Variants in B4GALT6 observed in about 807,000 individuals in gnomAD.
The protein encoded by B4GALT6 is UDP-Gal:beta-GlcNAc beta-1,4-galactosyltransferase 6.
In B4GALT6, 14 loss-of-function variants were observed where a neutral mutation model predicts 46.3. The observed-to-expected ratio is 0.30, with a 90% CI of 0.20 to 0.47. The LOEUF is 0.47. Among genes scored for constraint, B4GALT6 ranks in the 20% least tolerant of loss-of-function variants. B4GALT6 has a pLI of 0.99. For synonymous variants in B4GALT6, 168 were observed against 162.0 expected (o/e 1.04, Z -0.28); for missense variants, 386 against 480.1 (o/e 0.80, Z 1.83).
chr18:31,656,164 CTTTT>C (rs1317973237), intron 3 of B4GALT6, among the ~76,000 whole-genome samples: 2 of 152,060 alleles, frequency 1.3e-5, no homozygotes, highest in African/African-American at 4.8e-5. Context: ...GTCAATCTTT[CTTTT>C]TATTATTGAT....
At chr18:31,685,840 A>G (rs2029896545), upstream of B4GALT6, 1 of 152,204 alleles carries the variant, frequency 6.6e-6, no homozygotes, top group Non-Finnish European at 1.5e-5. Flanking sequence ...CCCCCCTCCT[A>G]TCCCGCACTT....
chr18:31,631,039 T>C lies in B4GALT6; in HGVS notation c.696A>G (p.Leu232=), dbSNP rs145579731. Residue 232 remains leucine, a synonymous_variant, in exon 6 of 9, where the codon CTA becomes CTG. Transcript: ENST00000306851. The stretch of plus-strand genomic sequence containing the variant: ...CGTAATAGTTCCGGTCATTTTCAGG[T>C]AGATGATCCACATCGTGGAAGATTA... ...DCVIFHDVDH[L]PENDRNYYGC... 6.2e-5 allele frequency: 100 copies of C among 1,614,164 alleles called. No individual in the cohort carries two copies. In the African/African-American group the frequency reaches 1.1e-3, roughly 18 times the overall value.
chr18:31,652,385 C>T (rs924405801), intron 3 of B4GALT6, among the ~76,000 whole-genome samples: 6 of 151,984 alleles, frequency 3.9e-5, no homozygotes, highest in African/African-American at 1.5e-4. Flanking sequence ...TGACAAGACA[C>T]AGCAGTCTTG....
At chr18:31,659,949 C>CTTTTTTTTTTTT (rs35690268) in intron 2 of B4GALT6, among the ~76,000 whole-genome samples, 1 of 122,718 alleles carries the variant, frequency 8.1e-6, no homozygotes. Context: ...GATTCTTTTC[C>CTTTTTTTTTTTT]TTTTTTTTTT....
chr18:31,626,550 C>A (rs2073700463), intron 7 of B4GALT6, among the ~76,000 whole-genome samples, 166 bp from the exon 8 acceptor site: 1 of 152,210 alleles, frequency 6.6e-6, no homozygotes, highest in South Asian at 2.1e-4. Context: ...GGCCGCACAG[C>A]AGGAGGTGAG....
chr18:31,658,059 T>C lies in B4GALT6; in HGVS notation c.263A>G (p.Tyr88Cys). The change falls in exon 3 of 9, where the codon TAT becomes TGT. Residue 88 changes from tyrosine to cysteine, a missense_variant. Physicochemically the swap from Tyr to Cys is radical, Grantham distance 194. Around this residue, in one of 2 missense-constraint regions of B4GALT6, gnomAD observed 323 missense variants for 438.9 expected, o/e 0.74. Coordinates refer to ENST00000306851, the MANE Select transcript of B4GALT6 (RefSeq NM_004775.5). ...GAGATACGTTGTTGTTTGAACAAGA[T>C]AATCACTTGAATTATTGCCTTCGGG... ...DYPEGNNSSD[Y>C]LVQTTTYLPE... The C allele has an allele frequency of 6.2e-7, 1 of 1,609,220 alleles. No individual in the cohort carries two copies. The highest frequency in any genetic ancestry group is 8.5e-7 in the Non-Finnish European group (1 of 1,179,112).
chr18:31,645,224 A>G (rs1490215116), intron 4 of B4GALT6, 131 bp downstream of exon 4: 9 of 1,271,476 alleles, frequency 7.1e-6, no homozygotes, highest in Non-Finnish European at 9.8e-6. Flanking sequence ...AGTAAACATT[A>G]AAGACAAAAC....
At chr18:31,679,907 G>A (rs763124337) in intron 1 of B4GALT6, among the ~76,000 whole-genome samples, 6 of 152,162 alleles carry the variant, frequency 3.9e-5, no homozygotes, top group Non-Finnish European at 2.9e-5. Flanking sequence ...CTGCCCTGAT[G>A]AACTACCAAC....
rs189640326 is a variant in B4GALT6 at position 31,663,427 on chromosome 18, G to A, written c.232+2829C>T. 2.2e-3 allele frequency among the ~76,000 whole-genome samples: 336 copies of A among 152,208 alleles called. 1 individual carries two copies. The highest frequency in any genetic ancestry group is 2.3e-3 in the Non-Finnish European group (159 of 67,996). On this transcript the variant is annotated intron_variant, in intron 2 of 8. Coordinates refer to ENST00000306851, the MANE Select transcript of B4GALT6 (RefSeq NM_004775.5). ...GTAATTAGATGAATTCACTGAATAC[G>A]TCTTGTTTTCATAATTTGGCTCTGT...
chr18:31,636,217 T>C (rs1168555230), intron 5 of B4GALT6, among the ~76,000 whole-genome samples: 1 of 152,152 alleles, frequency 6.6e-6, no homozygotes, highest in East Asian at 1.9e-4. Flanking sequence ...GAGAAAATCA[T>C]ACAGAACAAT....
chr18:31,669,532 T>C (rs1346096133), intron 1 of B4GALT6, among the ~76,000 whole-genome samples: 4 of 152,228 alleles, frequency 2.6e-5, no homozygotes, highest in Admixed American at 2.6e-4. Context: ...TTCTAATTTC[T>C]TAATCCATAT....
chr18:31,653,435 C>CTTTTTTTTTTTTTTTTTTTTTT (rs5823819), intron 3 of B4GALT6, among the ~76,000 whole-genome samples: 1 of 74,148 alleles, frequency 1.3e-5, no homozygotes, highest in Non-Finnish European at 2.4e-5. Context: ...AACCTTTTTT[C>CTTTTTTTTTTTTTTTTTTTTTT]TTTTTTTTTT....
chr18:31,723,594 T>G, the B4GALT6 span, among the ~76,000 whole-genome samples: 2 of 151,732 alleles, frequency 1.3e-5, no homozygotes, highest in African/African-American at 2.4e-5. Flanking sequence ...CCAGACTGAA[T>G]TGCTCACCCC....
At chr18:31,648,126 C>T (rs922060443) in intron 3 of B4GALT6, among the ~76,000 whole-genome samples, 1 of 152,166 alleles carries the variant, frequency 6.6e-6, no homozygotes, top group Non-Finnish European at 1.5e-5. Context: ...CTGAAGAGAT[C>T]CACTGAACTC....
chr18:31,665,283 G>C, intron 2 of B4GALT6, among the ~76,000 whole-genome samples: 1 of 152,110 alleles, frequency 6.6e-6, no homozygotes. Flanking sequence ...TAATACCCTG[G>C]CAGACACTGT....
At chr18:31,718,179 C>T in the B4GALT6 span, among the ~76,000 whole-genome samples, 1 of 152,154 alleles carries the variant, frequency 6.6e-6, no homozygotes, top group Non-Finnish European at 1.5e-5. Context: ...ATTTGTGTTT[C>T]TCAACAGAGG....
chr18:31,694,739 T>C, the B4GALT6 span, among the ~76,000 whole-genome samples: 1 of 152,306 alleles, frequency 6.6e-6, no homozygotes, highest in East Asian at 1.9e-4. Flanking sequence ...GTTTTTGCTA[T>C]ATGATAGAAA....
At chr18:31,639,211 C>T (rs1379526395) in intron 4 of B4GALT6, among the ~76,000 whole-genome samples, 5 of 151,986 alleles carry the variant, frequency 3.3e-5, no homozygotes, top group African/African-American at 7.2e-5. Context: ...GTTTTCAACA[C>T]ATCTAAGAGG....
At chr18:31,705,641 G>A in the B4GALT6 span, among the ~76,000 whole-genome samples, 1 of 152,186 alleles carries the variant, frequency 6.6e-6, no homozygotes, top group Non-Finnish European at 1.5e-5. Context: ...ATCCGCCTTG[G>A]CCTCCCAAAG....
Sources: gnomAD v4.1 joint callset for allele counts (sites outside exome capture counted in the v4.1 genomes callset) on GRCh38, gnomAD v4.1.1 for gene constraint, gnomAD v4.1.1 regional missense constraint, MANE v1.5 for transcripts, NCBI Gene and HGNC (gene_info 2026-07-23, HGNC 2026-07-21) for gene names.